Variants in KIAA1217 observed in about 807,000 individuals in gnomAD.
The protein encoded by KIAA1217 is sickle tail protein homolog.
KIAA1217 carries 88 observed loss-of-function variants against 163.9 expected under a neutral mutation model. The ratio of observed to expected loss-of-function variants is 0.54; its 90% CI spans 0.45 to 0.64. The LOEUF (loss-of-function observed/expected upper bound fraction) is 0.64. Ranked by LOEUF, KIAA1217 falls within the 30% of genes least tolerant of loss-of-function variation. KIAA1217 has a pLI of 0.00. For missense variants in KIAA1217, 2,372 were observed against 2,475.0 expected (o/e 0.96, Z 0.88); for synonymous variants, 903 against 923.1 (o/e 0.98, Z 0.39).
intron 5 of KIAA1217, among the ~76,000 whole-genome samples, chr10:24,452,517 C>CAAAA: frequency 8.1e-6 from 1 of 123,660 alleles, no homozygotes; most frequent in African/African-American, 2.9e-5. Flanking sequence ...ACTTAAAATA[C>CAAAA]AAAAAAAAAA....
In KIAA1217 at chr10:24,295,282, A is replaced by C. The variant is rs371361811; in HGVS notation, c.354+75373A>C. On this transcript the variant is annotated intron_variant, in intron 2 of 20. Transcript: ENST00000376454. The stretch of plus-strand genomic sequence containing the variant: ...CATCATCTTACAACTTTTAATTAAT[A>C]TATCTTTCTCTAACCCTTAAAGAAA... 5.9e-5 allele frequency among the ~76,000 whole-genome samples: 9 copies of C among 152,296 alleles called. No homozygotes were observed. The East Asian group carries it at 1.3e-3, about 23-fold the overall frequency.
intron 1 of KIAA1217, among the ~76,000 whole-genome samples, chr10:23,958,994 C>G (rs1369070608): frequency 6.7e-6 from 1 of 149,944 alleles, no homozygotes; most frequent in Non-Finnish European, 1.5e-5. Flanking sequence ...GGAAGATGTG[C>G]TCTGTGCCAG....
At chr10:24,439,125 AAAG>A (rs925442703) in intron 5 of KIAA1217, among the ~76,000 whole-genome samples, 1 of 152,230 alleles carries the variant, frequency 6.6e-6, no homozygotes, top group East Asian at 1.9e-4. Context: ...TTTGAAGAAA[AAAG>A]AAGGAGAAAC....
Position 24,219,715 on chromosome 10 carries a change from G to A in KIAA1217, c.160G>A (p.Gly54Ser). The A allele has an allele frequency of 1.9e-6, 3 of 1,613,944 alleles. No homozygotes were observed. Among genetic ancestry groups the A allele is most frequent in the Non-Finnish European group, 2.5e-6 (3 of 1,179,904 alleles). ...ACGCCTTTCTAATGGAAACAGTCGT[G>A]GTTCAGTTTCCAAGTCTTCCCGCAA... ...KERLSNGNSRGSVSKSSRNIP... is the reference protein window; with the variant it reads ...KERLSNGNSRSSVSKSSRNIP... Residue 54 changes from glycine to serine, a missense_variant, in exon 2 of 21, where the codon GGT (glycine) becomes AGT (serine). Physicochemically the swap from Gly to Ser is moderately conservative, Grantham distance 56. Around this residue, in one of 3 missense-constraint regions of KIAA1217, gnomAD observed 1,431 missense variants for 1,470.3 expected, o/e 0.97. Transcript: ENST00000376454.
intron 2 of KIAA1217, among the ~76,000 whole-genome samples, chr10:24,261,840 GA>G (rs1216742595): frequency 2.0e-5 from 3 of 152,118 alleles, no homozygotes; most frequent in Non-Finnish European, 4.4e-5. Context: ...TAAGCCATGG[GA>G]AAAATCTAAA....
rs2047048123 is a variant in KIAA1217 at position 24,341,161 on chromosome 10, G to A, written c.355-39708G>A. Among the ~76,000 whole-genome samples the A allele has an allele frequency of 2.0e-5, 3 of 152,164 alleles. No individual in the cohort carries two copies. The South Asian group carries it at 6.2e-4, about 31-fold the overall frequency. ...CAGTGCAAAAGGAAAACCAAGAAAT[G>A]CATTCTCCCCGGGCTGAAGTTGGAC... On this transcript the variant is annotated intron_variant, in intron 2 of 20. Transcript: ENST00000376454.
chr10:24,525,596 G>A (rs985198171), intron 13 of KIAA1217, among the ~76,000 whole-genome samples: 13 of 152,264 alleles, frequency 8.5e-5, no homozygotes, highest in African/African-American at 3.1e-4. Context: ...TTGAGGTGGT[G>A]GGTCTAGAAT....
chr10:24,347,027 A>C (rs1156339021), intron 2 of KIAA1217, among the ~76,000 whole-genome samples: 1 of 152,220 alleles, frequency 6.6e-6, no homozygotes, highest in Non-Finnish European at 1.5e-5. Flanking sequence ...GTTAAGGTAT[A>C]TAAGAGTAGT....
intron 2 of KIAA1217, among the ~76,000 whole-genome samples, chr10:24,193,981 G>C (rs2066857537): frequency 6.6e-6 from 1 of 152,034 alleles, no homozygotes; most frequent in Non-Finnish European, 1.5e-5. Flanking sequence ...GTGGTCAGAA[G>C]TTTGAGACCA....
intron 2 of KIAA1217, among the ~76,000 whole-genome samples, chr10:24,025,948 T>C (rs937059410): frequency 4.0e-5 from 6 of 151,860 alleles, no homozygotes; most frequent in African/African-American, 1.4e-4. Context: ...ACGTTATTTA[T>C]AAATGACAAT....
chr10:23,740,289 T>G (rs567188774), intron 1 of KIAA1217, among the ~76,000 whole-genome samples: 1 of 152,212 alleles, frequency 6.6e-6, no homozygotes, highest in African/African-American at 2.4e-5. Flanking sequence ...CATTTCTACT[T>G]ATTTTACACA....
At chr10:24,258,560 A>C (rs2075395536) in intron 2 of KIAA1217, among the ~76,000 whole-genome samples, 1 of 151,502 alleles carries the variant, frequency 6.6e-6, no homozygotes, top group African/African-American at 2.4e-5. Context: ...ACACAAAAGC[A>C]GCCCCTGTCA....
intron 1 of KIAA1217, among the ~76,000 whole-genome samples, chr10:23,799,770 C>T (rs959530387): frequency 2.6e-5 from 4 of 152,104 alleles, no homozygotes; most frequent in African/African-American, 9.7e-5. Flanking sequence ...TAAGAGAAAC[C>T]TAGCAGCTGC....
chr10:24,302,076 G>A (rs566394862), intron 2 of KIAA1217, among the ~76,000 whole-genome samples: 13 of 152,086 alleles, frequency 8.5e-5, no homozygotes, highest in African/African-American at 2.9e-4. Context: ...GACAGCAAAC[G>A]AGACATAGGG....
At chr10:24,107,917 CA>C (rs918146689) in intron 2 of KIAA1217, among the ~76,000 whole-genome samples, 5 of 151,934 alleles carry the variant, frequency 3.3e-5, no homozygotes, top group African/African-American at 1.2e-4. Flanking sequence ...GCAAGTGAAG[CA>C]GAAAAAAAAT....
At chr10:24,341,635 ATACT>A (rs1335281149) in intron 2 of KIAA1217, among the ~76,000 whole-genome samples, 5 of 152,228 alleles carry the variant, frequency 3.3e-5, no homozygotes, top group African/African-American at 1.2e-4. Flanking sequence ...GACTCCTTTA[ATACT>A]TACTTTAATG....
In KIAA1217 at chr10:24,090,871, A is replaced by G. The variant is rs2061913511; in HGVS notation, c.-171+83497A>G. Among the ~76,000 whole-genome samples, 5 of 152,062 alleles carry G rather than the reference A, an allele frequency of 3.3e-5. No individual in the cohort carries two copies. The South Asian group carries it at 1.0e-3, about 31-fold the overall frequency. On this transcript the variant is annotated intron_variant, in intron 2 of 18. Coordinates refer to the KIAA1217 transcript ENST00000376462. ...CATGGCAGCTGAGAAAAGGAAAACA[A>G]TAGTCAAATGTCATTGAAACACTAG...
At chr10:24,164,973 T>A (rs2065279133) in intron 2 of KIAA1217, among the ~76,000 whole-genome samples, 1 of 151,942 alleles carries the variant, frequency 6.6e-6, no homozygotes, top group African/African-American at 2.4e-5. Flanking sequence ...AAGAGAAGAG[T>A]GCTGGCAAAA....
At chr10:24,052,590 G>A (rs1052992186) in intron 2 of KIAA1217, among the ~76,000 whole-genome samples, 3 of 151,290 alleles carry the variant, frequency 2.0e-5, no homozygotes, top group African/African-American at 7.3e-5. Flanking sequence ...TCAGTTCTTG[G>A]TGCTTCCAAC....
Sources: gnomAD v4.1 joint callset for allele counts (sites outside exome capture counted in the v4.1 genomes callset) on GRCh38, gnomAD v4.1.1 for gene constraint, gnomAD v4.1.1 regional missense constraint, MANE v1.5 for transcripts, NCBI Gene and HGNC (gene_info 2026-07-23, HGNC 2026-07-21) for gene names.